Variants in FAM50B observed in about 807,000 individuals in gnomAD.
The protein encoded by FAM50B is protein FAM50B.
Under a neutral mutation model 25.4 loss-of-function variants are expected in FAM50B, and 9 were observed. That is an observed-to-expected ratio of 0.35 (90% CI 0.21 to 0.62). FAM50B has a LOEUF of 0.62. Ranked by LOEUF, FAM50B falls within the 20% of genes least tolerant of loss-of-function variation. The pLI, the probability that FAM50B is intolerant of heterozygous loss-of-function variation, is 0.73. For missense variants in FAM50B, 372 were observed against 477.9 expected (o/e 0.78, Z 2.07); for synonymous variants, 212 against 204.3 (o/e 1.04, Z -0.32).
At chr6:3,837,468 A>C in the FAM50B span, among the ~76,000 whole-genome samples, 6 of 152,228 alleles carry the variant, frequency 3.9e-5, no homozygotes, top group African/African-American at 1.2e-4. Context: ...GTACATGAAA[A>C]AATGCTCAAC....
At position 3,850,252 on chromosome 6, in the gene FAM50B, C is replaced by A. The variant is rs1487332917; in HGVS notation, c.441C>A (p.Asp147Glu). ...RRAGNLGKNP[D>E]VDTSFLPDRD... Reference sequence around the variant, plus strand: ...CCGGAAACCTGGGCAAGAACCCCGACGTGGACACCAGCTTCCTGCCAGACC... The same window carrying A: ...CCGGAAACCTGGGCAAGAACCCCGAAGTGGACACCAGCTTCCTGCCAGACC... Residue 147 changes from aspartate to glutamate, a missense_variant, in exon 2 of 2, where the codon GAC (aspartate) becomes GAA (glutamate). Asp to Glu is a conservative substitution (Grantham distance 45). This residue lies in a region of FAM50B where 224 missense variants were observed against 232.2 expected (regional missense o/e 0.96). Coordinates refer to ENST00000648326, the MANE Select transcript of FAM50B (RefSeq NM_012135.3). The A allele has an allele frequency of 5.6e-6, 9 of 1,613,086 alleles. No homozygotes were observed. In the Admixed American group the frequency reaches 1.5e-4, roughly 27 times the overall value.
upstream of FAM50B, among the ~76,000 whole-genome samples, chr6:3,847,436 A>T (rs768164834): frequency 6.6e-6 from 1 of 152,220 alleles, no homozygotes; most frequent in South Asian, 2.1e-4. Flanking sequence ...AGCCTCATGA[A>T]CCAACCTCTG....
the FAM50B span, among the ~76,000 whole-genome samples, chr6:3,834,135 T>G: frequency 1.3e-5 from 2 of 151,930 alleles, no homozygotes; most frequent in African/African-American, 4.8e-5. Flanking sequence ...CAGAACTAGA[T>G]CTCAACAAGA....
At position 3,850,246 on chromosome 6, in the gene FAM50B, C is replaced by T. The variant is rs754166929; in HGVS notation, c.435C>T (p.Asn145=). Residue 145 remains asparagine (N), a synonymous_variant, in exon 2 of 2, where the codon AAC becomes AAT. Coordinates refer to ENST00000648326, the MANE Select transcript of FAM50B (RefSeq NM_012135.3). ...GGCGCGCCGGAAACCTGGGCAAGAA[C>T]CCCGACGTGGACACCAGCTTCCTGC... is the stretch of plus-strand genomic sequence containing the variant. ...EARRAGNLGK[N]PDVDTSFLPD... 1.9e-6 allele frequency: 3 copies of T among 1,613,124 alleles called. No homozygotes were observed. The highest frequency in any genetic ancestry group is 3.3e-5 in the Admixed American group (2 of 59,982).
the FAM50B span, among the ~76,000 whole-genome samples, chr6:3,834,138 CA>C: frequency 6.6e-6 from 1 of 151,840 alleles, no homozygotes; most frequent in African/African-American, 2.4e-5. Flanking sequence ...AACTAGATCT[CA>C]ACAAGAATAA....
chr6:3,835,305 G>A, the FAM50B span, among the ~76,000 whole-genome samples: 2 of 152,246 alleles, frequency 1.3e-5, no homozygotes, highest in African/African-American at 4.8e-5. Context: ...GCTCCTCAAA[G>A]CCTGTGCAGT....
the FAM50B span, among the ~76,000 whole-genome samples, chr6:3,836,684 T>A: frequency 6.6e-6 from 1 of 152,188 alleles, no homozygotes; most frequent in Non-Finnish European, 1.5e-5. Context: ...TTTCTTTGTA[T>A]CAGAATGGCC....
At chr6:3,839,666 G>T in the FAM50B span, among the ~76,000 whole-genome samples, 1 of 152,192 alleles carries the variant, frequency 6.6e-6, no homozygotes, top group Non-Finnish European at 1.5e-5. Context: ...CTGTGAAGAA[G>T]TATTTCATGG....
the FAM50B span, among the ~76,000 whole-genome samples, chr6:3,835,265 G>T: frequency 6.6e-6 from 1 of 152,202 alleles, no homozygotes; most frequent in African/African-American, 2.4e-5. Context: ...ATAAGGGGTT[G>T]CATTTCTAGC....
Position 3,849,457 on chromosome 6 carries a change from G to A in FAM50B, c.-53G>A, listed in dbSNP as rs2113031071. 9.2e-6 allele frequency: 2 copies of A among 217,256 alleles called. No individual in the cohort carries two copies. The highest frequency in any genetic ancestry group is 1.8e-5 in the Non-Finnish European group (2 of 109,386). The allele number at this position is 217,256 out of a possible 1,614,324, so 13.5% of individuals were successfully genotyped here. A position where few individuals can be genotyped will look rare whatever the true frequency, so the allele number is the denominator to read the frequency against. On this transcript the variant is annotated 5_prime_UTR_variant, in exon 1 of 2. It adds an upstream start codon to the 5' untranslated region. Coordinates refer to ENST00000648326, the MANE Select transcript of FAM50B (RefSeq NM_012135.3). ...GGTTCTCGTGGAGGTCAGCTCCCGC[G>A]TGTCTCCGCTCGACAGGGTGCTTGG...
At chr6:3,840,113 C>T in the FAM50B span, among the ~76,000 whole-genome samples, 7 of 152,296 alleles carry the variant, frequency 4.6e-5, no homozygotes, top group Middle Eastern at 3.4e-3. Flanking sequence ...CTGCCTCAGC[C>T]TCCTGAGTAG....
rs985578882 is a variant in FAM50B at position 3,850,957 on chromosome 6, T to A, written c.*168T>A. On this transcript the variant is annotated 3_prime_UTR_variant, in exon 2 of 2. Coordinates refer to ENST00000648326, the MANE Select transcript of FAM50B (RefSeq NM_012135.3). Reference sequence around the variant, plus strand: ...GCTATTGCTGATGTTATGCTTTGGTTGCTTGGTTGGTCTTTTCTGAGTATT... The same window carrying A: ...GCTATTGCTGATGTTATGCTTTGGTAGCTTGGTTGGTCTTTTCTGAGTATT... 8.5e-7 allele frequency: 1 copy of A among 1,179,302 alleles called. No individual in the cohort carries two copies. Among genetic ancestry groups the A allele is most frequent in the African/African-American group, 1.6e-5 (1 of 64,460 alleles). The allele number at this position is 1,179,302 out of a possible 1,614,324, so 73.1% of individuals were successfully genotyped here.
chr6:3,850,589 G>A lies in FAM50B; in HGVS notation c.778G>A (p.Gly260Ser). ...CGACTTCATCATCGCCAGGGCGAGG[G>A]GCAAGAGCGGGCCGCTCTTCAGCTT... ...FYDFIIARAR[G>S]KSGPLFSFDV... The change falls in exon 2 of 2, where the codon GGC (glycine) becomes AGC (serine). Residue 260 changes from glycine (G) to serine (S), a missense_variant. Transcript: ENST00000648326. 1 of 1,614,094 alleles carries A rather than the reference G, an allele frequency of 6.2e-7. No homozygotes were observed. Among genetic ancestry groups the A allele is most frequent in the Non-Finnish European group, 8.5e-7 (1 of 1,180,034 alleles).
the FAM50B span, among the ~76,000 whole-genome samples, chr6:3,832,568 A>G: frequency 3.3e-5 from 5 of 152,192 alleles, no homozygotes; most frequent in African/African-American, 1.2e-4. Flanking sequence ...GCACTCACTC[A>G]TACACCCCTT....
chr6:3,851,106 G>C lies in FAM50B; in HGVS notation c.*317G>C, dbSNP rs1434920768. The C allele has an allele frequency of 2.4e-5, 8 of 339,456 alleles. No homozygotes were observed. The East Asian group carries it at 5.5e-4, about 23-fold the overall frequency. The allele number at this position is 339,456 out of a possible 1,614,324, so 21.0% of individuals were successfully genotyped here. A position where few individuals can be genotyped will look rare whatever the true frequency, so the allele number is the denominator to read the frequency against. ...TTTTTACCTGGTGGTTATGAGCATGGACTTGGGGGCCACAGTGACTGAGTT... is the reference window on the plus strand; with the variant it reads ...TTTTTACCTGGTGGTTATGAGCATGCACTTGGGGGCCACAGTGACTGAGTT... On this transcript the variant is annotated 3_prime_UTR_variant, in exon 2 of 2. Coordinates refer to ENST00000648326, the MANE Select transcript of FAM50B (RefSeq NM_012135.3).
At chr6:3,834,434 G>A in the FAM50B span, among the ~76,000 whole-genome samples, 1 of 149,252 alleles carries the variant, frequency 6.7e-6, no homozygotes, top group South Asian at 2.1e-4. Context: ...AACGAACTGA[G>A]GGAAATTTTT....
upstream of FAM50B, among the ~76,000 whole-genome samples, chr6:3,845,363 G>A (rs1189505542): frequency 6.6e-6 from 1 of 152,174 alleles, no homozygotes; most frequent in African/African-American, 2.4e-5. Flanking sequence ...GAGGGTGGAT[G>A]ATAAGGTTTA....
chr6:3,834,717 T>C, the FAM50B span, among the ~76,000 whole-genome samples: 1 of 150,296 alleles, frequency 6.7e-6, no homozygotes, highest in African/African-American at 2.5e-5. Context: ...TGTTTAACAA[T>C]AAAAAACTGG....
chr6:3,845,667 C>T (rs935001179), upstream of FAM50B, among the ~76,000 whole-genome samples: 1 of 151,956 alleles, frequency 6.6e-6, no homozygotes, highest in Admixed American at 6.6e-5. Context: ...GATAGCACAG[C>T]GAAGGGCAGG....
Sources: allele counts gnomAD v4.1 joint callset (sites outside exome capture counted in the v4.1 genomes callset), GRCh38; gene constraint gnomAD v4.1.1; regional missense constraint gnomAD v4.1.1; transcripts MANE v1.5; gene names NCBI Gene and HGNC (gene_info 2026-07-23, HGNC 2026-07-21).